The following TENM4 variants were observed in gnomAD, a reference collection of about 807,000 sequenced individuals.
TENM4 encodes teneurin-4.
In TENM4, 82 loss-of-function variants were observed where a neutral mutation model predicts 243.3. The observed-to-expected ratio is 0.34, with a 90% CI of 0.28 to 0.40. The LOEUF is 0.40. Among genes scored for constraint, TENM4 ranks in the 10% least tolerant of loss-of-function variants. The pLI, the probability that TENM4 is intolerant of heterozygous loss-of-function variation, is 1.00. For synonymous variants in TENM4, 1,412 were observed against 1,456.3 expected (o/e 0.97, Z 0.69); for missense variants, 3,138 against 3,673.3 (o/e 0.85, Z 3.77).
chr11:79,362,187 A>G (rs993234304), intron 1 of TENM4, among the ~76,000 whole-genome samples: 6 of 152,230 alleles, frequency 3.9e-5, no homozygotes, highest in Non-Finnish European at 8.8e-5. Flanking sequence ...CTGGTCTTAC[A>G]CATCTTTAAG....
Position 78,854,280 on chromosome 11 carries a change from A to G in TENM4, c.1505T>C (p.Leu502Pro). The change falls in exon 12 of 34, where the codon CTC becomes CCC. Residue 502 changes from leucine to proline, a missense_variant. Transcript: ENST00000278550. ...TAGGCTCCGCGCCTCCTGGGTTAGG[A>G]GCCTCCTGCCATCCAGCAGCTCCAC... ...DFVELLDGRR[L>P]LTQEARSLEG... 1.3e-6 allele frequency: 2 copies of G among 1,524,050 alleles called. No homozygotes were observed. The highest frequency in any genetic ancestry group is 1.2e-5 in the South Asian group (1 of 80,548). 94.4% of individuals were successfully genotyped at this position (1,524,050 alleles called of 1,614,324 possible).
chr11:79,356,058 C>T (rs550046532), intron 1 of TENM4, among the ~76,000 whole-genome samples: 3 of 152,170 alleles, frequency 2.0e-5, no homozygotes, highest in Non-Finnish European at 4.4e-5. Context: ...CTGTGAGCCA[C>T]CCAGTGGTGG....
chr11:78,800,483 G>T (rs560305829), intron 15 of TENM4, among the ~76,000 whole-genome samples: 3 of 152,238 alleles, frequency 2.0e-5, no homozygotes, highest in African/African-American at 4.8e-5. Flanking sequence ...GAGGGAAGGG[G>T]TTTATGAGGA....
rs1452211100 is a variant in TENM4 at position 79,438,334 on chromosome 11, G to A, written c.-321+2175C>T. On this transcript the variant is annotated intron_variant, in intron 1 of 33. Transcript: ENST00000278550. The surrounding 1 kb of genome is among the most constrained non-coding windows in gnomAD (Gnocchi z 4.1). ...GTGATACACAGGCTGCGGCGCTGGAGGGAAGCGGCGAAACGGGGAGAATAA... is the reference window on the plus strand; with the variant it reads ...GTGATACACAGGCTGCGGCGCTGGAAGGAAGCGGCGAAACGGGGAGAATAA... 6.6e-6 allele frequency among the ~76,000 whole-genome samples: 1 copy of A among 152,206 alleles called. No homozygotes were observed. Among genetic ancestry groups the A allele is most frequent in the Non-Finnish European group, 1.5e-5 (1 of 68,040 alleles).
chr11:79,387,495 C>T (rs1306562232), intron 1 of TENM4, among the ~76,000 whole-genome samples: 1 of 152,230 alleles, frequency 6.6e-6, no homozygotes, highest in Non-Finnish European at 1.5e-5. Context: ...GTTTCCTCTT[C>T]TGTAATAGTT....
intron 12 of TENM4, among the ~76,000 whole-genome samples, chr11:78,850,061 C>CTGTGTGTGTG (rs142162971): frequency 6.4e-4 from 96 of 149,894 alleles, no homozygotes; most frequent in African/African-American, 2.0e-3. Context: ...TTTCAGTGCT[C>CTGTGTGTGTG]TGTGTGTGTG....
chr11:79,354,529 T>C (rs1398032098), intron 1 of TENM4, among the ~76,000 whole-genome samples: 1 of 152,236 alleles, frequency 6.6e-6, no homozygotes, highest in African/African-American at 2.4e-5. Context: ...AGCTTAAATT[T>C]ATATTTTTCT....
intron 6 of TENM4, among the ~76,000 whole-genome samples, chr11:78,989,033 C>T (rs1030281360): frequency 1.3e-5 from 2 of 152,184 alleles, no homozygotes; most frequent in African/African-American, 4.8e-5. Context: ...AGGTCCAGAC[C>T]TCAGCCACTG....
intron 10 of TENM4, among the ~76,000 whole-genome samples, chr11:78,856,921 C>T (rs1433359650): frequency 6.6e-6 from 1 of 152,170 alleles, no homozygotes; most frequent in African/African-American, 2.4e-5. Context: ...GGCTCCCAAC[C>T]CTGTGCTAAG....
At chr11:78,929,966 T>A (rs1205250336) in intron 6 of TENM4, among the ~76,000 whole-genome samples, 5 of 152,194 alleles carry the variant, frequency 3.3e-5, no homozygotes, top group African/African-American at 1.2e-4. Flanking sequence ...CAATTTAAAC[T>A]GGTTGGGGCA....
At chr11:78,955,397 A>G (rs1857187947) in intron 6 of TENM4, among the ~76,000 whole-genome samples, 1 of 152,132 alleles carries the variant, frequency 6.6e-6, no homozygotes, top group Admixed American at 6.5e-5. Flanking sequence ...GTGTCAGGAG[A>G]TGGTTTAAAA....
At chr11:79,138,952 A>G (rs1289480629) in intron 4 of TENM4, among the ~76,000 whole-genome samples, 1 of 107,044 alleles carries the variant, frequency 9.3e-6, no homozygotes, top group Non-Finnish European at 1.7e-5. Flanking sequence ...TATATATTAT[A>G]TTTCCATAAA....
intron 1 of TENM4, among the ~76,000 whole-genome samples, chr11:79,409,063 TGTGTG>T (rs1858632742): frequency 1.9e-5 from 1 of 52,424 alleles, no homozygotes; most frequent in African/African-American, 1.0e-4. Context: ...GGATATTTTG[TGTGTG>T]TGTGTGTGTG....
chr11:78,827,740 C>T (rs1857890524), intron 12 of TENM4, among the ~76,000 whole-genome samples: 2 of 152,114 alleles, frequency 1.3e-5, no homozygotes, highest in South Asian at 2.1e-4. Flanking sequence ...CTGCCTGCCT[C>T]AGCCTCCCAA....
In TENM4 at chr11:78,940,416, G is replaced by C. The variant is rs555782709; in HGVS notation, c.494-36893C>G. ...GGTAGGCTAAGTCCCACATTAAACA[G>C]AGGACCCCCATCCCCACTTAGGAGT... On this transcript the variant is annotated intron_variant, in intron 6 of 33. Transcript: ENST00000278550. Among the ~76,000 whole-genome samples the C allele has an allele frequency of 3.9e-5, 6 of 152,308 alleles. No homozygotes were observed. The South Asian group carries it at 8.3e-4, about 21-fold the overall frequency.
intron 6 of TENM4, among the ~76,000 whole-genome samples, chr11:78,932,213 T>A (rs1856683874): frequency 6.6e-6 from 1 of 152,204 alleles, no homozygotes; most frequent in Non-Finnish European, 1.5e-5. Context: ...AAGTCCCAGA[T>A]CTTTGCAAAA....
intron 21 of TENM4, among the ~76,000 whole-genome samples, chr11:78,730,341 C>A (rs960049746): frequency 6.6e-6 from 1 of 152,160 alleles, no homozygotes; most frequent in African/African-American, 2.4e-5. Flanking sequence ...CTTTCCTTTT[C>A]GGGAAATTAA....
chr11:79,110,265 A>G (rs1247493096), intron 4 of TENM4, among the ~76,000 whole-genome samples: 1 of 152,152 alleles, frequency 6.6e-6, no homozygotes, highest in Non-Finnish European at 1.5e-5. Flanking sequence ...TAAGCCTACT[A>G]TACAGCCCAA....
intron 6 of TENM4, among the ~76,000 whole-genome samples, chr11:78,939,438 A>G (rs368630248): frequency 2.6e-5 from 4 of 152,358 alleles, no homozygotes; most frequent in South Asian, 4.1e-4. Flanking sequence ...TAGCAATTTC[A>G]CAACAATGTC....
Sources: allele counts gnomAD v4.1 joint callset (sites outside exome capture counted in the v4.1 genomes callset), GRCh38; gene constraint gnomAD v4.1.1; non-coding constraint Gnocchi (gnomAD v3.1); transcripts MANE v1.5; gene names NCBI Gene and HGNC (gene_info 2026-07-23, HGNC 2026-07-21).